Variants in KCNT2 observed in about 807,000 individuals in gnomAD.
KCNT2 encodes potassium sodium-activated channel subfamily T member 2, also known as potassium channel subfamily T member 2.
Under a neutral mutation model 153.8 loss-of-function variants are expected in KCNT2, and 67 were observed. The ratio of observed to expected loss-of-function variants is 0.44; its 90% CI spans 0.36 to 0.53. KCNT2 has a LOEUF of 0.53. Ranked by LOEUF, KCNT2 falls within the 20% of genes least tolerant of loss-of-function variation. The probability of loss-of-function intolerance (pLI) is 0.00; values close to 1 mark genes in which losing one functional copy is unlikely to be tolerated. For missense variants in KCNT2, 975 were observed against 1,354.8 expected (o/e 0.72, Z 4.40); for synonymous variants, 500 against 458.8 (o/e 1.09, Z -1.15).
intron 22 of KCNT2, among the ~76,000 whole-genome samples, chr1:196,297,836 GC>G (rs1248064495): frequency 2.0e-5 from 3 of 152,018 alleles, no homozygotes; most frequent in African/African-American, 7.2e-5. Context: ...AGGACAATGT[GC>G]TTTTGTTTGT....
chr1:196,367,436 G>A (rs1238406359), intron 14 of KCNT2, among the ~76,000 whole-genome samples: 2 of 151,914 alleles, frequency 1.3e-5, no homozygotes, highest in Non-Finnish European at 2.9e-5. Flanking sequence ...TCGTTCGTAT[G>A]ATATTTAATC....
intron 1 of KCNT2, among the ~76,000 whole-genome samples, chr1:196,553,675 T>A (rs975183564): frequency 4.0e-5 from 6 of 151,260 alleles, no homozygotes; most frequent in Non-Finnish European, 8.9e-5. Flanking sequence ...ATCCAATGGC[T>A]GCACAATATG....
chr1:196,267,555 T>G (rs1021136487), intron 25 of KCNT2, among the ~76,000 whole-genome samples: 1 of 152,150 alleles, frequency 6.6e-6, no homozygotes, highest in Non-Finnish European at 1.5e-5. Flanking sequence ...CTCTCCAAAT[T>G]GCAATTACAA....
intron 12 of KCNT2, among the ~76,000 whole-genome samples, chr1:196,416,399 A>G (rs979449609): frequency 2.0e-5 from 3 of 152,068 alleles, no homozygotes; most frequent in Non-Finnish European, 4.4e-5. Flanking sequence ...GAAATTGTGA[A>G]GAAGAAAAAA....
At chr1:196,279,267 T>C (rs866831413) in intron 25 of KCNT2, among the ~76,000 whole-genome samples, 2 of 152,098 alleles carry the variant, frequency 1.3e-5, no homozygotes, top group African/African-American at 4.8e-5. Context: ...TAGACAAACA[T>C]CTTACATATT....
chr1:196,394,755 C>T (rs1419006537), intron 13 of KCNT2, among the ~76,000 whole-genome samples: 4 of 151,596 alleles, frequency 2.6e-5, no homozygotes, highest in East Asian at 3.9e-4. Context: ...TGGACAATGA[C>T]AATTTTATTT....
chr1:196,575,169 G>A (rs906438766), intron 1 of KCNT2, among the ~76,000 whole-genome samples: 17 of 152,056 alleles, frequency 1.1e-4, no homozygotes, highest in African/African-American at 4.1e-4. Context: ...CAAGATCTAT[G>A]ATCTGCATTG....
chr1:196,491,803 A>G (rs192354580), intron 2 of KCNT2, among the ~76,000 whole-genome samples: 1 of 152,198 alleles, frequency 6.6e-6, no homozygotes, highest in Non-Finnish European at 1.5e-5. Context: ...AGGAATCTGT[A>G]TATTTCAGTG....
chr1:196,260,137 G>A (rs746245400), intron 25 of KCNT2, among the ~76,000 whole-genome samples: 1 of 151,754 alleles, frequency 6.6e-6, no homozygotes, highest in Non-Finnish European at 1.5e-5. Flanking sequence ...TATTTGAAGT[G>A]ATCTTTTTGT....
At chr1:196,601,288 C>G (rs1340147546) in intron 1 of KCNT2, among the ~76,000 whole-genome samples, 1 of 152,232 alleles carries the variant, frequency 6.6e-6, no homozygotes, top group Admixed American at 6.5e-5. Flanking sequence ...CTAGGCTCAT[C>G]TTCAATCATG....
chr1:196,332,252 TTTC>T (rs1339690930), intron 17 of KCNT2, among the ~76,000 whole-genome samples: 11 of 152,184 alleles, frequency 7.2e-5, no homozygotes, highest in African/African-American at 2.7e-4. Context: ...TCAACATCTC[TTTC>T]GTTTTTCTAG....
At chr1:196,306,312 C>G (rs934003216) in intron 21 of KCNT2, among the ~76,000 whole-genome samples, 4 of 152,102 alleles carry the variant, frequency 2.6e-5, no homozygotes, top group Non-Finnish European at 4.4e-5. Context: ...AGAATATAAA[C>G]AGCCTGTTTG....
At chr1:196,384,231 G>A (rs1029906721) in intron 13 of KCNT2, among the ~76,000 whole-genome samples, 3 of 152,024 alleles carry the variant, frequency 2.0e-5, no homozygotes, top group Non-Finnish European at 4.4e-5. Context: ...AGTGACTCAG[G>A]AAAGCATACA....
At chr1:196,522,223 CTTCT>C (rs546348537) in intron 1 of KCNT2, among the ~76,000 whole-genome samples, 369 of 152,232 alleles carry the variant, frequency 2.4e-3, no homozygotes, top group African/African-American at 8.6e-3. Context: ...TGCTTGTAAA[CTTCT>C]TTATGTTAAC....
intron 2 of KCNT2, among the ~76,000 whole-genome samples, chr1:196,490,416 T>C (rs887978139): frequency 6.7e-6 from 1 of 148,650 alleles, no homozygotes; most frequent in African/African-American, 2.4e-5. Context: ...CTATGTTGTA[T>C]ATTTAATATT....
rs548539149 is a variant in KCNT2 at position 196,350,862 on chromosome 1, T to A, written c.1404-8634A>T. Among the ~76,000 whole-genome samples, 718 of 152,228 alleles carry A rather than the reference T, an allele frequency of 4.7e-3. 4 individuals carry two copies. The highest frequency in any genetic ancestry group is 0.016 in the African/African-American group (652 of 41,534). ...GTCTAACGTTTAAGTCTTTAATCCA[T>A]CTTGAATTAATTTTTGTATAAGGTG... is the stretch of plus-strand genomic sequence containing the variant. On this transcript the variant is annotated intron_variant, in intron 14 of 27. Coordinates refer to ENST00000294725, the MANE Select transcript of KCNT2 (RefSeq NM_198503.5).
At chr1:196,392,857 TA>T (rs34621368) in intron 13 of KCNT2, among the ~76,000 whole-genome samples, 1 of 151,536 alleles carries the variant, frequency 6.6e-6, no homozygotes, top group African/African-American at 2.4e-5. Flanking sequence ...GTGACATTGC[TA>T]AAAATACATT....
intron 13 of KCNT2, among the ~76,000 whole-genome samples, chr1:196,395,152 G>T (rs1267769091): frequency 1.3e-5 from 2 of 150,946 alleles, no homozygotes; most frequent in Non-Finnish European, 3.0e-5. Flanking sequence ...ATATTACTCG[G>T]TTTGTTTTCC....
rs869080667 is a variant in KCNT2 at position 196,593,311 on chromosome 1, T to TACACACAC, written c.95+14896_95+14903dup. On this transcript the variant is annotated intron_variant, in intron 1 of 27. Transcript: ENST00000294725. ...CATATATATAATATATATATATATATACACACACACACACACACACACACA... is the reference window on the plus strand; with the variant it reads ...CATATATATAATATATATATATATATACACACACACACACACACACACACACACACACA... Among the ~76,000 whole-genome samples the TACACACAC allele has an allele frequency of 7.2e-3, 1,007 of 140,184 alleles. 17 individuals are homozygous for TACACACAC. The highest frequency in any genetic ancestry group is 0.022 in the South Asian group (101 of 4,612). The allele number at this position is 140,184 out of a possible 152,430, so 92.0% of individuals were successfully genotyped here. A position where few individuals can be genotyped will look rare whatever the true frequency, so the allele number is the denominator to read the frequency against.
Sources: allele counts gnomAD v4.1 joint callset (sites outside exome capture counted in the v4.1 genomes callset), GRCh38; gene constraint gnomAD v4.1.1; transcripts MANE v1.5; gene names NCBI Gene and HGNC (gene_info 2026-07-23, HGNC 2026-07-21).